OR4K1: variants seen among roughly 807,000 people sequenced by gnomAD.
OR4K1 encodes olfactory receptor family 4 subfamily K member 1.
OR4K1 carries 16 observed loss-of-function variants against 14.4 expected under a neutral mutation model. The ratio of observed to expected loss-of-function variants is 1.11; its 90% CI spans 0.75 to 1.68. OR4K1 has a LOEUF of 1.68. Among genes scored for constraint, OR4K1 ranks in the 40% most tolerant of loss-of-function variants. The pLI, the probability that OR4K1 is intolerant of heterozygous loss-of-function variation, is 0.00. For missense variants in OR4K1, 548 were observed against 376.9 expected (o/e 1.45, Z -3.76); for synonymous variants, 181 against 133.1 (o/e 1.36, Z -2.48).
chr14:19,921,516 C>A, the OR4K1 span: 1 of 1,613,832 alleles, frequency 6.2e-7, no homozygotes, highest in South Asian at 1.1e-5. Context: ...AATTGTGAAC[C>A]ATTACCTGAG....
intron 1 of OR4K1, among the ~76,000 whole-genome samples, chr14:19,933,602 T>TC (rs1566501991): frequency 1.3e-5 from 2 of 151,412 alleles, no homozygotes; most frequent in South Asian, 2.1e-4. Flanking sequence ...TCTGCATTCT[T>TC]TTTTTTTTGA....
chr14:19,921,521 C>T, the OR4K1 span: 1 of 1,613,754 alleles, frequency 6.2e-7, no homozygotes, highest in South Asian at 1.1e-5. Flanking sequence ...TGAACCATTA[C>T]CTGAGGCCAA....
intron 1 of OR4K1, among the ~76,000 whole-genome samples, chr14:19,931,684 C>T (rs944504326): frequency 1.3e-5 from 2 of 152,220 alleles, no homozygotes; most frequent in African/African-American, 2.4e-5. Flanking sequence ...ATTAATGCAA[C>T]AGCAACCCTT....
chr14:19,921,192 GA>G, the OR4K1 span: 1 of 1,614,146 alleles, frequency 6.2e-7, no homozygotes, highest in Non-Finnish European at 8.5e-7. Flanking sequence ...TTACATCATT[GA>G]AATACTAATT....
rs748748659 is a variant in OR4K1 at position 19,936,050 on chromosome 14, G to A, written c.384G>A (p.Lys128=). ...MAYDRFIAIC[K]PLHYSTIMNR... is the part of the protein sequence containing the mutation. ...ATGACAGATTTATAGCCATATGTAAGCCTCTGCACTACAGTACAATTATGA... is the reference window on the plus strand; with the variant it reads ...ATGACAGATTTATAGCCATATGTAAACCTCTGCACTACAGTACAATTATGA... The change falls in exon 2 of 2, where the codon AAG becomes AAA. Residue 128 remains lysine, a synonymous_variant. Coordinates refer to ENST00000641172, the MANE Select transcript of OR4K1 (RefSeq NM_001004063.3). 3.7e-6 allele frequency: 6 copies of A among 1,614,262 alleles called. No homozygotes were observed. Among genetic ancestry groups the A allele is most frequent in the Non-Finnish European group, 1.7e-6 (2 of 1,180,048 alleles).
chr14:19,921,383 G>A, the OR4K1 span: 5 of 1,613,966 alleles, frequency 3.1e-6, no homozygotes, highest in African/African-American at 1.3e-5. Context: ...TCATCTATGT[G>A]TGGCCCTTTA....
chr14:19,921,597 T>C, the OR4K1 span: 1 of 1,596,656 alleles, frequency 6.3e-7, no homozygotes, highest in East Asian at 2.2e-5. Flanking sequence ...TCCTTCAAAT[T>C]CCTCAGGTCA....
upstream of OR4K1, among the ~76,000 whole-genome samples, chr14:19,929,139 T>C (rs1395372967): frequency 6.6e-6 from 1 of 151,494 alleles, no homozygotes; most frequent in Admixed American, 6.6e-5. Context: ...TTAAAATTTA[T>C]TTTGCTTTTA....
the OR4K1 span, chr14:19,920,668 A>G: frequency 3.7e-6 from 6 of 1,613,726 alleles, no homozygotes; most frequent in Non-Finnish European, 8.5e-7. Context: ...TGTAGTTCTC[A>G]AAAACTCCAG....
chr14:19,925,612 A>G, the OR4K1 span, among the ~76,000 whole-genome samples: 1,748 of 152,150 alleles, frequency 0.011, 14 homozygotes, highest in East Asian at 0.061. Flanking sequence ...AGATCTCACA[A>G]TTTAAGCTAC....
rs1670454937 is a variant in OR4K1, at chr14:19,936,220, T to C, written c.554T>C (p.Ile185Thr). 1 of 1,614,134 alleles carries C rather than the reference T, an allele frequency of 6.2e-7. No individual in the cohort carries two copies. The highest frequency in any genetic ancestry group is 8.5e-7 in the Non-Finnish European group (1 of 1,180,052). Reference protein sequence around the residue: ...DSFFCDLPLVIELACMDTYEM... With the variant: ...DSFFCDLPLVTELACMDTYEM... ...TTCTTTTGTGACCTTCCCTTGGTGA[T>C]AGAGCTGGCTTGCATGGATACATAT... The change falls in exon 2 of 2, where the codon ATA becomes ACA. Residue 185 changes from isoleucine to threonine, a missense_variant. Coordinates refer to ENST00000641172, the MANE Select transcript of OR4K1 (RefSeq NM_001004063.3).
At chr14:19,933,395 T>C (rs1471092164) in intron 1 of OR4K1, among the ~76,000 whole-genome samples, 1 of 152,240 alleles carries the variant, frequency 6.6e-6, no homozygotes, top group Non-Finnish European at 1.5e-5. Flanking sequence ...GGAATTTTTT[T>C]ACTCTTAGGA....
At chr14:19,932,706 T>C (rs1472548054) in intron 1 of OR4K1, among the ~76,000 whole-genome samples, 2 of 152,184 alleles carry the variant, frequency 1.3e-5, no homozygotes, top group African/African-American at 2.4e-5. Context: ...ACTTGGGCAA[T>C]TTACTTAGCC....
Position 19,936,346 on chromosome 14 carries a change from G to A in OR4K1, c.680G>A (p.Cys227Tyr). The change falls in exon 2 of 2, where the codon TGC becomes TAC. Residue 227 changes from cysteine (C) to tyrosine (Y), a missense_variant. Coordinates refer to ENST00000641172, the MANE Select transcript of OR4K1 (RefSeq NM_001004063.3). ...ACCATCATTTTGATCGGTGTCCGAT[G>A]CAGGTCCTCCAGTGGGTCATCTAAG... ...SYTIILIGVR[C>Y]RSSSGSSKAL... The A allele has an allele frequency of 6.2e-7, 1 of 1,614,222 alleles. No individual in the cohort carries two copies. Among genetic ancestry groups the A allele is most frequent in the Non-Finnish European group, 8.5e-7 (1 of 1,180,052 alleles).
In OR4K1 at chr14:19,936,288, T is replaced by C. The variant is rs1383458106; in HGVS notation, c.622T>C (p.Leu208=). The change falls in exon 2 of 2, where the codon TTG becomes CTG. Residue 208 remains leucine, a synonymous_variant. Coordinates refer to ENST00000641172, the MANE Select transcript of OR4K1 (RefSeq NM_001004063.3). The part of the protein sequence containing the change: ...MTLTNSGLIS[L]SCFLALIISY... ...CCTAACGAACAGTGGCCTGATATCA[T>C]TGAGCTGTTTCCTGGCTTTAATTAT... 3.1e-6 allele frequency: 5 copies of C among 1,614,154 alleles called. No homozygotes were observed. Among genetic ancestry groups the C allele is most frequent in the Non-Finnish European group, 3.4e-6 (4 of 1,180,054 alleles).
chr14:19,930,322 C>A (rs902431293), upstream of OR4K1, among the ~76,000 whole-genome samples: 1 of 152,142 alleles, frequency 6.6e-6, no homozygotes, highest in African/African-American at 2.4e-5. Flanking sequence ...TTAAAGATGA[C>A]CACTTGAAAC....
the OR4K1 span, among the ~76,000 whole-genome samples, chr14:19,925,799 T>G: frequency 2.6e-5 from 4 of 152,228 alleles, no homozygotes; most frequent in African/African-American, 9.7e-5. Context: ...GGATAAAGGA[T>G]GAAGAAGCTT....
chr14:19,920,886 T>C, the OR4K1 span: 1 of 1,614,206 alleles, frequency 6.2e-7, no homozygotes, highest in Non-Finnish European at 8.5e-7. Flanking sequence ...GACCATATCT[T>C]TCAGTGGCTG....
intron 1 of OR4K1, among the ~76,000 whole-genome samples, chr14:19,934,032 C>T (rs192936462): frequency 5.3e-4 from 81 of 152,314 alleles, no homozygotes; most frequent in Middle Eastern, 3.4e-3. Context: ...ATTTGGTTTA[C>T]CATTACCTAT....
Sources: allele counts gnomAD v4.1 joint callset (sites outside exome capture counted in the v4.1 genomes callset), GRCh38; gene constraint gnomAD v4.1.1; transcripts MANE v1.5; gene names NCBI Gene and HGNC (gene_info 2026-07-23, HGNC 2026-07-21).